RABL3: variants seen among roughly 807,000 people sequenced by gnomAD.
The protein encoded by RABL3 is RAB, member of RAS oncogene family like 3.
Under a neutral mutation model 31.8 loss-of-function variants are expected in RABL3, and 31 were observed. The ratio of observed to expected loss-of-function variants is 0.97; its 90% confidence interval spans 0.73 to 1.31. The LOEUF is 1.31. RABL3 is among the 40% of genes most tolerant of loss of function. The pLI is 0.00. For missense variants in RABL3, 263 were observed against 279.6 expected, an observed-to-expected ratio of 0.94 and a Z score of 0.42; for synonymous variants, 97 against 99.9, an observed-to-expected ratio of 0.97 and a Z score of 0.18.
chr3:120,739,685 A>G (rs1460870251), intron 1 of RABL3, among the ~76,000 whole-genome samples: 3 of 152,270 alleles, frequency 2.0e-5, no homozygotes, highest in Admixed American at 6.5e-5. Flanking sequence ...ACTCAAAATT[A>G]TATTTGTCAT....
At chr3:120,713,808 CTT>C (rs61372023) in intron 2 of RABL3, among the ~76,000 whole-genome samples, 19 of 121,664 alleles carry the variant, frequency 1.6e-4, no homozygotes, top group African/African-American at 3.3e-4. Context: ...TTGTCTGTAA[CTT>C]TTTTTTTTTT....
At position 120,709,819 on chromosome 3, in the gene RABL3, C is replaced by G. The variant is rs59155676; in HGVS notation, c.229G>C (p.Val77Leu). Reference sequence around the variant, plus strand: ...TAGAATACTGCTCTTGTGCTTTTCACGCTGCTGGCACTGCCCACAGAGCCT... The same window carrying G: ...TAGAATACTGCTCTTGTGCTTTTCAGGCTGCTGGCACTGCCCACAGAGCCT... The part of the protein sequence containing the change: ...VGGSVGSASS[V>L]KSTRAVFYNS... The change falls in exon 3 of 8, where the codon GTG becomes CTG. Residue 77 changes from valine (V) to leucine (L), a missense_variant. Val to Leu is a conservative substitution (Grantham distance 32). Coordinates refer to ENST00000273375, the MANE Select transcript of RABL3 (RefSeq NM_173825.5). 2 of 1,612,160 alleles carry G rather than the reference C, an allele frequency of 1.2e-6. No homozygotes were observed. The highest frequency in any genetic ancestry group is 1.7e-6 in the Non-Finnish European group (2 of 1,178,518).
At position 120,725,324 on chromosome 3, in the gene RABL3, T is replaced by C. The variant is rs1399377355; in HGVS notation, c.138+5372A>G. The stretch of plus-strand genomic sequence containing the variant: ...AGGTGCTGGAGAGGATGTGGAGAAA[T>C]AGGAACACTTCTACACTGTTGGTGG... On this transcript the variant is annotated intron_variant, in intron 2 of 7. Coordinates refer to ENST00000273375, the MANE Select transcript of RABL3 (RefSeq NM_173825.5). Among the ~76,000 whole-genome samples the C allele has an allele frequency of 4.6e-5, 7 of 152,280 alleles. No homozygotes were observed. In the South Asian group the frequency reaches 1.5e-3, roughly 32 times the overall value.
At chr3:120,731,176 A>T (rs1708878093) in intron 1 of RABL3, among the ~76,000 whole-genome samples, 1 of 152,202 alleles carries the variant, frequency 6.6e-6, no homozygotes, top group Admixed American at 6.5e-5. Context: ...TGAATGATTT[A>T]ATCAATTTAG....
At chr3:120,711,582 C>G (rs1708613188) in intron 2 of RABL3, among the ~76,000 whole-genome samples, 1 of 152,114 alleles carries the variant, frequency 6.6e-6, no homozygotes, top group African/African-American at 2.4e-5. Context: ...CAATGACTTT[C>G]TCACTCACAG....
Position 120,706,120 on chromosome 3 carries a change from A to T in RABL3, c.269-6T>A. 2 of 1,535,980 alleles carry T rather than the reference A, an allele frequency of 1.3e-6. No individual in the cohort carries two copies. The highest frequency in any genetic ancestry group is 1.8e-6 in the Non-Finnish European group (2 of 1,108,996). On this transcript the variant is annotated splice_region_variant and splice_polypyrimidine_tract_variant and intron_variant, in intron 3 of 7. Transcript: ENST00000273375. ...GTCGTGTACGAAAATAATACCTAAA[A>T]TAATCAGAGAAAACAATGTTAATCC... is the stretch of plus-strand genomic sequence containing the variant.
intron 3 of RABL3, 145 bp from the exon 4 acceptor site, chr3:120,706,259 T>C: frequency 1.7e-6 from 1 of 579,154 alleles, no homozygotes; most frequent in Non-Finnish European, 3.0e-6. Flanking sequence ...GAGACAATTA[T>C]TTTAAAATTT....
chr3:120,742,670 G>T (rs1479919816), upstream of RABL3: 1 of 696,150 alleles, frequency 1.4e-6, no homozygotes, highest in African/African-American at 1.8e-5. Flanking sequence ...AAGGTAGCGG[G>T]GTGCTTCCCC....
intron 1 of RABL3, among the ~76,000 whole-genome samples, chr3:120,733,932 C>T (rs1180050377): frequency 6.6e-6 from 1 of 152,104 alleles, no homozygotes; most frequent in Non-Finnish European, 1.5e-5. Flanking sequence ...GTACCAGTAC[C>T]ATGCTGTTTT....
intron 4 of RABL3, 107 bp from the exon 5 acceptor site, chr3:120,698,680 T>C: frequency 1.1e-6 from 1 of 951,588 alleles, no homozygotes; most frequent in Non-Finnish European, 1.5e-6. Flanking sequence ...ATTAACTGAT[T>C]TTTGCTGCCT....
intron 2 of RABL3, among the ~76,000 whole-genome samples, chr3:120,727,291 C>A (rs1386027388): frequency 6.6e-6 from 1 of 151,772 alleles, no homozygotes; most frequent in South Asian, 2.1e-4. Context: ...AATCATTCTA[C>A]CAGAAATGAA....
At chr3:120,725,102 A>C (rs1708801164) in intron 2 of RABL3, among the ~76,000 whole-genome samples, 1 of 6,128 alleles carries the variant, frequency 1.6e-4, no homozygotes, top group African/African-American at 1.4e-3. Flanking sequence ...ACAAATTTAC[A>C]AGAAAAAAAC....
rs1436285970 is a variant in RABL3 at position 120,686,421 on chromosome 3, G to C, written c.*3402C>G. Among the ~76,000 whole-genome samples the C allele has an allele frequency of 1.3e-5, 2 of 152,158 alleles. No homozygotes were observed. The highest frequency in any genetic ancestry group is 2.9e-5 in the Non-Finnish European group (2 of 68,042). Reference sequence around the variant, plus strand: ...AAACTCTGATTACAAGGAGCAATTAGGAGCTCTTCACCTCAGTCTGATGTC... The same window carrying C: ...AAACTCTGATTACAAGGAGCAATTACGAGCTCTTCACCTCAGTCTGATGTC... On this transcript the variant is annotated 3_prime_UTR_variant, in exon 8 of 8. Coordinates refer to ENST00000273375, the MANE Select transcript of RABL3 (RefSeq NM_173825.5).
intron 4 of RABL3, 94 bp downstream of exon 4, chr3:120,705,906 T>C (rs1708542265): frequency 8.9e-6 from 7 of 786,842 alleles, no homozygotes; most frequent in Non-Finnish European, 1.6e-5. Context: ...GAAAGAAAAA[T>C]CTTTGCAAAT....
intron 3 of RABL3, among the ~76,000 whole-genome samples, chr3:120,708,378 A>G (rs1406335822): frequency 6.6e-6 from 1 of 152,042 alleles, no homozygotes; most frequent in Non-Finnish European, 1.5e-5. Flanking sequence ...TTTCTTCTTC[A>G]GCACTTACAA....
In RABL3 at chr3:120,686,907, T is replaced by TA. The variant is rs1708314606; in HGVS notation, c.*2915dup. ...CTTGGTGTCTCTGTATCTGTGAGGA[T>TA]AAAGGGTACCTATGGAATGAAGGTT... On this transcript the variant is annotated 3_prime_UTR_variant, in exon 8 of 8. Coordinates refer to ENST00000273375, the MANE Select transcript of RABL3 (RefSeq NM_173825.5). The TA allele has an allele frequency of 6.6e-6, 1 of 152,146 alleles. No homozygotes were observed. Among genetic ancestry groups the TA allele is most frequent in the South Asian group, 2.1e-4 (1 of 4,822 alleles). 9.4% of individuals were successfully genotyped at this position (152,146 alleles called of 1,614,324 possible).
At chr3:120,738,860 C>G (rs1008021555) in intron 1 of RABL3, among the ~76,000 whole-genome samples, 3 of 152,136 alleles carry the variant, frequency 2.0e-5, no homozygotes, top group Admixed American at 2.0e-4. Flanking sequence ...AAGGTTATTT[C>G]TGTTTAAACC....
intron 1 of RABL3, among the ~76,000 whole-genome samples, chr3:120,737,556 T>G (rs751246135): frequency 3.3e-5 from 5 of 152,246 alleles, no homozygotes; most frequent in Non-Finnish European, 7.3e-5. Context: ...CTTTGTTCCT[T>G]TGCTGGCGAG....
chr3:120,728,032 C>T (rs921983696), intron 2 of RABL3, among the ~76,000 whole-genome samples: 4 of 152,088 alleles, frequency 2.6e-5, no homozygotes, highest in African/African-American at 9.7e-5. Context: ...AACAAAGATG[C>T]TTGTTGGTGC....
Sources: allele counts gnomAD v4.1 joint callset (sites outside exome capture counted in the v4.1 genomes callset), GRCh38; gene constraint gnomAD v4.1.1; transcripts MANE v1.5; gene names NCBI Gene and HGNC (gene_info 2026-07-23, HGNC 2026-07-21).